SLC12A7: variants seen among roughly 807,000 people sequenced by gnomAD.
SLC12A7 encodes the protein K-Cl cotransporter 4.
SLC12A7 carries 100 observed loss-of-function variants against 120.6 expected under a neutral mutation model. That is an observed-to-expected ratio of 0.83 (90% CI 0.71 to 0.98). The LOEUF (loss-of-function observed/expected upper bound fraction) is 0.98, where lower values mean the gene tolerates loss of function less well. Ranked by LOEUF, SLC12A7 falls within the 50% of genes least tolerant of loss-of-function variation. SLC12A7 has a pLI of 0.00. For missense variants in SLC12A7, 1,373 were observed against 1,548.1 expected (o/e 0.89, Z 1.90); for synonymous variants, 760 against 678.0 (o/e 1.12, Z -1.88).
the SLC12A7 span, among the ~76,000 whole-genome samples, chr5:1,132,080 A>G: frequency 6.6e-6 from 1 of 152,328 alleles, no homozygotes; most frequent in East Asian, 1.9e-4. Flanking sequence ...TATTAATAAA[A>G]CAAGTTGTGG....
chr5:1,077,408 T>C (rs535475865), intron 12 of SLC12A7, among the ~76,000 whole-genome samples: 2 of 152,212 alleles, frequency 1.3e-5, no homozygotes, highest in South Asian at 2.1e-4. Context: ...ACAGGACCCA[T>C]GCGGGCGTCC....
intron 17 of SLC12A7, among the ~76,000 whole-genome samples, chr5:1,066,215 G>A (rs1160112894): frequency 6.6e-6 from 1 of 152,136 alleles, no homozygotes; most frequent in African/African-American, 2.4e-5. Context: ...CTCCCTTTTG[G>A]AGCAAACATG....
At chr5:1,082,586 CTA>C (rs1465881133) in intron 8 of SLC12A7, among the ~76,000 whole-genome samples, 16 of 135,924 alleles carry the variant, frequency 1.2e-4, no homozygotes, top group African/African-American at 4.3e-4. Context: ...GGCTTCCTCT[CTA>C]GGGTTCTGGA....
At chr5:1,095,981 C>T (rs1239611614) in intron 1 of SLC12A7, among the ~76,000 whole-genome samples, 3 of 152,278 alleles carry the variant, frequency 2.0e-5, no homozygotes, top group East Asian at 1.9e-4. Context: ...CCCTCAAAAA[C>T]GTCAGGGAGA....
At chr5:1,111,213 G>A (rs1413398768) in intron 1 of SLC12A7, among the ~76,000 whole-genome samples, 1 of 152,116 alleles carries the variant, frequency 6.6e-6, no homozygotes, top group Non-Finnish European at 1.5e-5. Context: ...AACAGGGCTG[G>A]GGGATTCTCT....
rs200980852 is a variant in SLC12A7 at position 1,088,969 on chromosome 5, G to C, written c.489+13C>G. ...CCCGAAGGCACAGCCACACCTGGCC[G>C]GGGGAGACTCACACATGTGCAGCAC... On this transcript the variant is annotated intron_variant, in intron 4 of 23. Transcript: ENST00000264930. 6.2e-7 allele frequency: 1 copy of C among 1,612,374 alleles called. No individual in the cohort carries two copies. Among genetic ancestry groups the C allele is most frequent in the South Asian group, 1.1e-5 (1 of 91,058 alleles).
intron 20 of SLC12A7, among the ~76,000 whole-genome samples, chr5:1,062,716 GGGGGCTGC>G (rs1179719388): frequency 1.3e-5 from 2 of 151,736 alleles, no homozygotes; most frequent in African/African-American, 4.8e-5. Context: ...TGGGGGACTG[GGGGGCTGC>G]GGGGCTGGAG....
intron 11 of SLC12A7, 97 bp from the exon 12 acceptor site, chr5:1,078,104 T>G: frequency 2.2e-6 from 3 of 1,381,952 alleles, no homozygotes; most frequent in Non-Finnish European, 2.9e-6. Context: ...CCCAGTGCAG[T>G]GGGGGCGACT....
At chr5:1,147,242 A>ACCCCCCCCCCCCCCCCCC in the SLC12A7 span, among the ~76,000 whole-genome samples, 1 of 89,380 alleles carries the variant, frequency 1.1e-5, no homozygotes, top group African/African-American at 4.3e-5. Context: ...ATCACGGCCC[A>ACCCCCCCCCCCCCCCCCC]CCCCGCCACC....
At chr5:1,085,579 G>A (rs1739754162) in intron 6 of SLC12A7, 106 bp from the exon 7 acceptor site, 1 of 1,434,064 alleles carries the variant, frequency 7.0e-7, no homozygotes, top group Non-Finnish European at 9.3e-7. Flanking sequence ...CCCAACAGGT[G>A]CCGGGGCCAT....
At chr5:1,097,343 C>G (rs1311908222) in intron 1 of SLC12A7, among the ~76,000 whole-genome samples, 1 of 152,192 alleles carries the variant, frequency 6.6e-6, no homozygotes, top group East Asian at 1.9e-4. Context: ...AGCGTCTCCT[C>G]TGCGCAGCCC....
At position 1,076,245 on chromosome 5, in the gene SLC12A7, A is replaced by C. The variant is rs749149096; in HGVS notation, c.1749-9T>G. 35 of 1,597,862 alleles carry C rather than the reference A, an allele frequency of 2.2e-5. No individual in the cohort carries two copies. Among genetic ancestry groups the C allele is most frequent in the Non-Finnish European group, 2.7e-5 (32 of 1,173,168 alleles). On this transcript the variant is annotated splice_polypyrimidine_tract_variant and intron_variant, in intron 13 of 23. Coordinates refer to ENST00000264930, the MANE Select transcript of SLC12A7 (RefSeq NM_006598.3). ...AGCACATGAGGAAGAACCTGCAGGG[A>C]CGGCCGGCCACTGATACGGGCCCAC...
chr5:1,138,094 T>G, the SLC12A7 span, among the ~76,000 whole-genome samples: 3 of 152,218 alleles, frequency 2.0e-5, no homozygotes, highest in Non-Finnish European at 2.9e-5. Flanking sequence ...TTATGCTGAC[T>G]TCAAGAATGA....
chr5:1,147,573 C>T, the SLC12A7 span, among the ~76,000 whole-genome samples: 1 of 152,136 alleles, frequency 6.6e-6, no homozygotes, highest in Admixed American at 6.5e-5. Flanking sequence ...ATTCTTTCCA[C>T]CCACTGCAAG....
the SLC12A7 span, among the ~76,000 whole-genome samples, chr5:1,146,038 C>T: frequency 6.6e-6 from 1 of 152,154 alleles, no homozygotes; most frequent in South Asian, 2.1e-4. This position sits in a 1 kb window ranked among gnomAD's most constrained non-coding sequence, Gnocchi z 6.5. Flanking sequence ...CAGCCCCTGG[C>T]AGTCCCCGTT....
chr5:1,051,130 AAGC>A lies in SLC12A7; in HGVS notation c.*1227_*1229del. Reference sequence around the variant, plus strand: ...CCTGCAAATGTGACCACAACCTACAAAGCAGAAACTCACAGCCAGCCGAAGTGC... The same window carrying A: ...CCTGCAAATGTGACCACAACCTACAAAGAAACTCACAGCCAGCCGAAGTGC... On this transcript the variant is annotated 3_prime_UTR_variant, in exon 24 of 24. Coordinates refer to ENST00000264930, the MANE Select transcript of SLC12A7 (RefSeq NM_006598.3). 1 of 391,674 alleles carries A rather than the reference AAGC, an allele frequency of 2.6e-6. No individual in the cohort carries two copies. The highest frequency in any genetic ancestry group is 4.5e-6 in the Non-Finnish European group (1 of 222,218). 24.3% of individuals were successfully genotyped at this position (391,674 alleles called of 1,614,324 possible). A position where few individuals can be genotyped will look rare whatever the true frequency, so the allele number is the denominator to read the frequency against.
intron 1 of SLC12A7, among the ~76,000 whole-genome samples, chr5:1,106,734 C>A (rs1742560684): frequency 6.6e-6 from 1 of 152,250 alleles, no homozygotes; most frequent in Non-Finnish European, 1.5e-5. Flanking sequence ...GGGACCCAAA[C>A]ACACTAAGCC....
At chr5:1,079,616 C>T (rs543454238) in intron 9 of SLC12A7, 120 bp from the exon 10 acceptor site, 37 of 791,208 alleles carry the variant, frequency 4.7e-5, no homozygotes, top group Admixed American at 8.7e-5. Context: ...GAGCTGCAGC[C>T]GAGGCTGCAG....
At chr5:1,103,714 C>T (rs1355792215) in intron 1 of SLC12A7, among the ~76,000 whole-genome samples, 1 of 152,246 alleles carries the variant, frequency 6.6e-6, no homozygotes, top group Non-Finnish European at 1.5e-5. Context: ...GGGCTACAGC[C>T]CCCAGACTGC....
Sources: gnomAD v4.1 joint callset for allele counts (sites outside exome capture counted in the v4.1 genomes callset) on GRCh38, gnomAD v4.1.1 for gene constraint, Gnocchi (gnomAD v3.1) non-coding constraint, MANE v1.5 for transcripts, NCBI Gene and HGNC (gene_info 2026-07-23, HGNC 2026-07-21) for gene names.